PDZD2: variants seen among roughly 807,000 people sequenced by gnomAD.
PDZD2 encodes the protein PDZ domain containing 2.
In PDZD2, 90 loss-of-function variants were observed where a neutral mutation model predicts 220.7. The ratio of observed to expected loss-of-function variants is 0.41; its 90% CI spans 0.34 to 0.49. PDZD2 has a LOEUF of 0.49. PDZD2 is among the 20% of genes least tolerant of loss of function. PDZD2 has a pLI of 0.28. For synonymous variants in PDZD2, 1,375 were observed against 1,450.5 expected (o/e 0.95, Z 1.18); for missense variants, 3,174 against 3,608.5 (o/e 0.88, Z 3.08).
chr5:31,655,972 T>C (rs149580641), intron 1 of PDZD2, among the ~76,000 whole-genome samples: 252 of 152,350 alleles, frequency 1.7e-3, no homozygotes, highest in African/African-American at 5.9e-3. Flanking sequence ...AGGGTTTAAA[T>C]TGGATCATCT....
At chr5:31,675,440 C>A (rs1020549209) in intron 1 of PDZD2, among the ~76,000 whole-genome samples, 1 of 152,196 alleles carries the variant, frequency 6.6e-6, no homozygotes, top group Non-Finnish European at 1.5e-5. Context: ...CAGGGCTGCT[C>A]AGGCCCTGTC....
At chr5:31,863,462 A>G (rs1043477834) in intron 2 of PDZD2, among the ~76,000 whole-genome samples, 44 of 152,268 alleles carry the variant, frequency 2.9e-4, no homozygotes, top group African/African-American at 1.0e-3. Flanking sequence ...ATGTCTTATT[A>G]CACTTTTGAA....
At chr5:31,705,590 AT>A (rs1158296776) in intron 1 of PDZD2, among the ~76,000 whole-genome samples, 11 of 152,370 alleles carry the variant, frequency 7.2e-5, no homozygotes, top group African/African-American at 2.4e-4. Flanking sequence ...CTTACGAAAA[AT>A]ATACAGTACC....
At chr5:31,734,567 C>A (rs1749734657) in intron 1 of PDZD2, among the ~76,000 whole-genome samples, 2 of 152,134 alleles carry the variant, frequency 1.3e-5, no homozygotes, top group African/African-American at 4.8e-5. Flanking sequence ...GATCCACCCA[C>A]CTCAGCCTCC....
chr5:31,892,195 A>G (rs1741109923), intron 2 of PDZD2, among the ~76,000 whole-genome samples: 1 of 151,802 alleles, frequency 6.6e-6, no homozygotes, highest in Non-Finnish European at 1.5e-5. Context: ...CAGGCATGAG[A>G]CACTGTGCCT....
chr5:31,995,142 C>T (rs895365696), intron 3 of PDZD2, among the ~76,000 whole-genome samples: 4 of 152,142 alleles, frequency 2.6e-5, no homozygotes, highest in African/African-American at 9.7e-5. Flanking sequence ...CAGTGGCATC[C>T]GGGTTTCAGG....
chr5:31,730,011 A>G (rs1042392904), intron 1 of PDZD2, among the ~76,000 whole-genome samples: 6 of 152,098 alleles, frequency 3.9e-5, no homozygotes, highest in Non-Finnish European at 8.8e-5. Flanking sequence ...TATTTTTAGT[A>G]GAGACAGGGT....
intron 2 of PDZD2, among the ~76,000 whole-genome samples, chr5:31,818,014 A>G (rs1414264915): frequency 7.5e-6 from 1 of 133,784 alleles, no homozygotes; most frequent in African/African-American, 2.9e-5. Flanking sequence ...CTGTCACTCA[A>G]GCTGGAGTGC....
At chr5:31,876,329 A>G (rs1253493630) in intron 2 of PDZD2, among the ~76,000 whole-genome samples, 5 of 146,642 alleles carry the variant, frequency 3.4e-5, no homozygotes, top group African/African-American at 7.6e-5. Context: ...GTCTCACTCT[A>G]TTGCCCAGGC....
At chr5:31,814,642 G>C (rs1413524833) in intron 2 of PDZD2, among the ~76,000 whole-genome samples, 11 of 150,900 alleles carry the variant, frequency 7.3e-5, no homozygotes, top group Non-Finnish European at 1.5e-5. Context: ...GGCCAACATG[G>C]TGAAACCTCG....
intron 2 of PDZD2, 76 bp from the exon 3 acceptor site, chr5:31,983,079 C>G: frequency 1.3e-6 from 2 of 1,493,838 alleles, no homozygotes; most frequent in Non-Finnish European, 1.8e-6. Context: ...TGGGTGGACC[C>G]TTGAACGCGT....
chr5:31,751,298 G>A (rs956490882), intron 1 of PDZD2, among the ~76,000 whole-genome samples: 1 of 151,760 alleles, frequency 6.6e-6, no homozygotes, highest in South Asian at 2.1e-4. Context: ...CCAGTGTGGA[G>A]AATAGGCGAT....
intron 2 of PDZD2, chr5:31,935,964 T>G (rs1179518556): frequency 4.3e-5 from 14 of 326,950 alleles, no homozygotes; most frequent in Non-Finnish European, 6.2e-5. Flanking sequence ...TCCTGGAAAA[T>G]TAGAACCGTT....
At chr5:31,669,401 CAAAAAA>C (rs34910299) in intron 1 of PDZD2, among the ~76,000 whole-genome samples, 5,567 of 109,636 alleles carry the variant, frequency 0.051, 250 homozygotes, top group East Asian at 0.27. Flanking sequence ...GACCCTGTCT[CAAAAAA>C]AAAAAAAAAA....
Position 32,088,039 on chromosome 5 carries a change from C to T in PDZD2, c.4591C>T (p.His1531Tyr). ...CTACTCTAGAAATTTTAGCAGTTTT[C>T]ATGAAGACAGCACCTCCCTATCAGG... is the stretch of plus-strand genomic sequence containing the variant. ...SNYSRNFSSF[H>Y]EDSTSLSGLG... The change falls in exon 20 of 25, where the codon CAT becomes TAT. Residue 1531 changes from histidine (H) to tyrosine (Y), a missense_variant. This residue lies in a region of PDZD2 where 1,861 missense variants were observed against 2,001.0 expected (regional missense o/e 0.93). Transcript: ENST00000438447. The surrounding 1 kb of genome is among the most constrained non-coding windows in gnomAD (Gnocchi z 4.6). 5 of 1,614,164 alleles carry T rather than the reference C, an allele frequency of 3.1e-6. No individual in the cohort carries two copies. Among genetic ancestry groups the T allele is most frequent in the Non-Finnish European group, 4.2e-6 (5 of 1,179,990 alleles).
intron 2 of PDZD2, among the ~76,000 whole-genome samples, chr5:31,872,667 A>G (rs1738924801): frequency 1.3e-5 from 2 of 152,282 alleles, no homozygotes; most frequent in Middle Eastern, 3.4e-3. Flanking sequence ...TTGTGGAGAA[A>G]CCATGGCTGC....
intron 1 of PDZD2, among the ~76,000 whole-genome samples, chr5:31,774,722 A>T (rs1752540151): frequency 6.6e-6 from 1 of 152,148 alleles, no homozygotes; most frequent in Non-Finnish European, 1.5e-5. Flanking sequence ...TCCCTCTCAA[A>T]AAAAAAACAA....
At chr5:31,688,856 C>CAG (rs1432204784) in intron 1 of PDZD2, among the ~76,000 whole-genome samples, 1 of 152,138 alleles carries the variant, frequency 6.6e-6, no homozygotes, top group Non-Finnish European at 1.5e-5. Flanking sequence ...CAGGCCAAAA[C>CAG]GACTCTTTTG....
chr5:31,750,203 G>A (rs1750862880), intron 1 of PDZD2, among the ~76,000 whole-genome samples: 1 of 152,094 alleles, frequency 6.6e-6, no homozygotes, highest in Non-Finnish European at 1.5e-5. Flanking sequence ...TTCCAGTCAT[G>A]GCTTTTCTCC....
Sources: allele counts gnomAD v4.1 joint callset (sites outside exome capture counted in the v4.1 genomes callset), GRCh38; gene constraint gnomAD v4.1.1; regional missense constraint gnomAD v4.1.1; non-coding constraint Gnocchi (gnomAD v3.1); transcripts MANE v1.5; gene names NCBI Gene and HGNC (gene_info 2026-07-23, HGNC 2026-07-21).